TGFA: variants seen among roughly 807,000 people sequenced by gnomAD.
The protein encoded by TGFA is transforming growth factor alpha, also known as protransforming growth factor alpha.
TGFA carries 12 observed loss-of-function variants against 21.7 expected under a neutral mutation model. The ratio of observed to expected loss-of-function variants is 0.55; its 90% CI spans 0.35 to 0.90. TGFA has a LOEUF of 0.90. Ranked by LOEUF, TGFA falls within the 40% of genes least tolerant of loss-of-function variation. The probability of loss-of-function intolerance (pLI) is 0.01; values close to 1 mark genes in which losing one functional copy is unlikely to be tolerated. For synonymous variants in TGFA, 79 were observed against 88.1 expected (o/e 0.90, Z 0.58); for missense variants, 178 against 210.8 (o/e 0.84, Z 0.96).
In TGFA at chr2:70,510,051, G is replaced by A. The variant is rs149690294; in HGVS notation, c.94+4808C>T. ...ACAACCAACCTGATAAAAATACTCT[G>A]TCCCCAACCATGCTATTGATTTCAC... is the stretch of plus-strand genomic sequence containing the variant. On this transcript the variant is annotated intron_variant, in intron 2 of 5. Transcript: ENST00000295400. 7.5e-3 allele frequency among the ~76,000 whole-genome samples: 1,149 copies of A among 152,196 alleles called. 7 individuals carry two copies. The highest frequency in any genetic ancestry group is 0.034 in the South Asian group (166 of 4,820).
At chr2:70,535,770 G>T (rs1672952373) in intron 1 of TGFA, among the ~76,000 whole-genome samples, 1 of 152,154 alleles carries the variant, frequency 6.6e-6, no homozygotes, top group Admixed American at 6.5e-5. Flanking sequence ...AGAAAATAAG[G>T]TCGTATTACA....
chr2:70,547,546 A>C (rs1223076904), intron 1 of TGFA, among the ~76,000 whole-genome samples: 1 of 6,844 alleles, frequency 1.5e-4, no homozygotes, highest in Non-Finnish European at 7.5e-4. Context: ...CCATCTCAAG[A>C]AAAAAAAAAA....
At chr2:70,503,776 C>T (rs1028103579) in intron 2 of TGFA, among the ~76,000 whole-genome samples, 15 of 152,130 alleles carry the variant, frequency 9.9e-5, no homozygotes, top group East Asian at 3.8e-4. Context: ...TAATGAGAAG[C>T]GGAAATCAAG....
At chr2:70,510,101 C>A (rs1202729880) in intron 2 of TGFA, among the ~76,000 whole-genome samples, 1 of 152,228 alleles carries the variant, frequency 6.6e-6, no homozygotes, top group African/African-American at 2.4e-5. Context: ...TTTTCTAAAT[C>A]ATGCATTAAG....
chr2:70,550,470 A>G (rs1673457010), intron 1 of TGFA, among the ~76,000 whole-genome samples: 3 of 151,860 alleles, frequency 2.0e-5, no homozygotes, highest in Admixed American at 2.0e-4. Context: ...AAATAATTAA[A>G]TAATTAAAAT....
intron 2 of TGFA, among the ~76,000 whole-genome samples, chr2:70,471,766 A>G (rs1379723099): frequency 8.5e-5 from 13 of 152,134 alleles, no homozygotes; most frequent in Admixed American, 5.2e-4. Flanking sequence ...TAACCTAAGT[A>G]GTCTCCATTT....
At chr2:70,469,232 TG>T (rs1559104752) in intron 2 of TGFA, among the ~76,000 whole-genome samples, 1 of 152,190 alleles carries the variant, frequency 6.6e-6, no homozygotes, top group Non-Finnish European at 1.5e-5. Flanking sequence ...CCCAGAAATC[TG>T]TGGGACAAAC....
rs887227505 is a variant in TGFA, at chr2:70,456,440, C to T, written c.264G>A (p.Leu88=). The T allele has an allele frequency of 3.7e-6, 6 of 1,607,356 alleles. No individual in the cohort carries two copies. The African/African-American group carries it at 6.7e-5, about 18-fold the overall frequency. ...TCTTCTGGCTGGCAGCCACCACGGCCAGGAGGTCCGCATGCTCACAGCGTG... is the reference window on the plus strand; with the variant it reads ...TCTTCTGGCTGGCAGCCACCACGGCTAGGAGGTCCGCATGCTCACAGCGTG... ...VGARCEHADL[L]AVVAASQKKQ... The change falls in exon 4 of 6, where the codon CTG becomes CTA. Residue 88 remains leucine, a synonymous_variant. Coordinates refer to ENST00000295400, the MANE Select transcript of TGFA (RefSeq NM_003236.4).
intron 2 of TGFA, among the ~76,000 whole-genome samples, chr2:70,481,285 C>T (rs1421377797): frequency 1.3e-5 from 2 of 152,164 alleles, no homozygotes; most frequent in Non-Finnish European, 2.9e-5. Context: ...CTCAGGGGCT[C>T]AGTCTCTAAG....
chr2:70,523,312 A>T (rs1553502568), intron 1 of TGFA, among the ~76,000 whole-genome samples: 1 of 152,218 alleles, frequency 6.6e-6, no homozygotes, highest in Non-Finnish European at 1.5e-5. Flanking sequence ...GTGAACGCTC[A>T]TTGTGAACGT....
chr2:70,529,404 T>C (rs1455349214), intron 1 of TGFA, among the ~76,000 whole-genome samples: 1 of 152,200 alleles, frequency 6.6e-6, no homozygotes. Context: ...CTTTCTGTGA[T>C]GACAGTTCTC....
At chr2:70,460,348 G>A (rs183197460) in intron 3 of TGFA, among the ~76,000 whole-genome samples, 7 of 148,250 alleles carry the variant, frequency 4.7e-5, no homozygotes, top group East Asian at 2.0e-4. Flanking sequence ...TCTTTATGAC[G>A]GAAAAAGAAA....
At chr2:70,488,301 T>C (rs1553497034) in intron 2 of TGFA, among the ~76,000 whole-genome samples, 5 of 152,240 alleles carry the variant, frequency 3.3e-5, no homozygotes, top group Non-Finnish European at 1.5e-5. Flanking sequence ...CTTAAGATTA[T>C]ATAAATATTT....
chr2:70,452,308 G>A (rs1553489764), intron 5 of TGFA, among the ~76,000 whole-genome samples: 2 of 152,148 alleles, frequency 1.3e-5, no homozygotes, highest in Non-Finnish European at 2.9e-5. Context: ...AGCCCTGTTT[G>A]GATGAAGGAC....
intron 1 of TGFA, among the ~76,000 whole-genome samples, chr2:70,515,932 A>G (rs443120): frequency 0.12 from 18,346 of 152,212 alleles, 1,208 homozygotes; most frequent in South Asian, 0.21. Flanking sequence ...TAAGACTGCA[A>G]CTGCAGAGTG....
rs782214170 is a variant in TGFA, at chr2:70,448,057, TTTTCTCC to T, written c.*2795_*2801del. 10 of 152,220 alleles carry T rather than the reference TTTTCTCC, an allele frequency of 6.6e-5. No homozygotes were observed. The highest frequency in any genetic ancestry group is 1.5e-5 in the Non-Finnish European group (1 of 68,052). The allele number at this position is 152,220 out of a possible 1,614,324, so 9.4% of individuals were successfully genotyped here. A position where few individuals can be genotyped will look rare whatever the true frequency, so the allele number is the denominator to read the frequency against. ...GGGTGGGTGAGTGGCAATCCCATCT[TTTTCTCC>T]TTTCTCAGGGAAAAGAACTCTAGGG... On this transcript the variant is annotated 3_prime_UTR_variant, in exon 6 of 6. Coordinates refer to ENST00000295400, the MANE Select transcript of TGFA (RefSeq NM_003236.4).
chr2:70,533,111 C>T (rs1672865142), intron 1 of TGFA, among the ~76,000 whole-genome samples: 1 of 152,090 alleles, frequency 6.6e-6, no homozygotes, highest in Admixed American at 6.5e-5. Flanking sequence ...ATCCGCCCAT[C>T]TCAGCCTCCC....
intron 1 of TGFA, among the ~76,000 whole-genome samples, chr2:70,538,733 C>T (rs1235633643): frequency 6.6e-6 from 1 of 152,170 alleles, no homozygotes; most frequent in African/African-American, 2.4e-5. Context: ...GGAATCTACT[C>T]CTGGTGAAGA....
intron 2 of TGFA, among the ~76,000 whole-genome samples, chr2:70,509,608 G>A (rs1258378929): frequency 6.6e-6 from 1 of 152,156 alleles, no homozygotes; most frequent in Admixed American, 6.5e-5. Context: ...TTGATTCCAG[G>A]TGGGTGTCCC....
Sources: allele counts gnomAD v4.1 joint callset (sites outside exome capture counted in the v4.1 genomes callset), GRCh38; gene constraint gnomAD v4.1.1; transcripts MANE v1.5; gene names NCBI Gene and HGNC (gene_info 2026-07-23, HGNC 2026-07-21).